RUNX1T1: variants seen among roughly 807,000 people sequenced by gnomAD.
The protein encoded by RUNX1T1 is RUNX1 partner transcriptional co-repressor 1.
In RUNX1T1, 4 loss-of-function variants were observed where a neutral mutation model predicts 62.8. The observed-to-expected ratio is 0.06, with a 90% confidence interval of 0.03 to 0.15. RUNX1T1 has a LOEUF of 0.15. Ranked by LOEUF, RUNX1T1 falls within the 10% of genes least tolerant of loss-of-function variation. The pLI is 1.00. For synonymous variants in RUNX1T1, 291 were observed against 286.0 expected (o/e 1.02, Z -0.18); for missense variants, 508 against 754.3 (o/e 0.67, Z 3.82).
chr8:91,959,412 T>TTGTG lies in RUNX1T1; in HGVS notation c.*826_*829dup, dbSNP rs56037232. On this transcript the variant is annotated 3_prime_UTR_variant, in exon 11 of 11. Transcript: ENST00000396218. Reference sequence around the variant, plus strand: ...ATTAACTGCAGGCTGAGTCTCTTACTTGTGTGTGTGTGTGTGTGTGTGTGT... The same window carrying TTGTG: ...ATTAACTGCAGGCTGAGTCTCTTACTTGTGTGTGTGTGTGTGTGTGTGTGTGTGT... The TTGTG allele has an allele frequency of 4.3e-3, 598 of 139,328 alleles. 1 individual carries two copies. Among genetic ancestry groups the TTGTG allele is most frequent in the Non-Finnish European group, 5.8e-3 (448 of 76,782 alleles). 8.6% of individuals were successfully genotyped at this position (139,328 alleles called of 1,614,324 possible). A position where few individuals can be genotyped will look rare whatever the true frequency, so the allele number is the denominator to read the frequency against.
At chr8:91,955,574 G>A (rs1244031047), downstream of RUNX1T1, 1 of 226,126 alleles carries the variant, frequency 4.4e-6, no homozygotes, top group Non-Finnish European at 8.8e-6. Context: ...GCCTGGCCTT[G>A]AAACAGGAAC....
chr8:91,959,779 C>T, exon 11 of RUNX1T1: 1 of 252,852 alleles, frequency 4.0e-6, no homozygotes, highest in East Asian at 5.5e-5. Flanking sequence ...TGCTCATGCC[C>T]TTGAGGGTTT....
At chr8:92,101,627 A>G (rs1838039751), upstream of RUNX1T1, among the ~76,000 whole-genome samples, 1 of 152,158 alleles carries the variant, frequency 6.6e-6, no homozygotes, top group Non-Finnish European at 1.5e-5. Context: ...CCAAACTGAA[A>G]GGCCTTTTGG....
intron 4 of RUNX1T1, among the ~76,000 whole-genome samples, chr8:92,007,782 C>A (rs954771626): frequency 6.6e-6 from 1 of 151,868 alleles, no homozygotes; most frequent in African/African-American, 2.4e-5. Context: ...CCAGCCTGGG[C>A]AACATGGTGA....
chr8:91,975,776 T>G, intron 9 of RUNX1T1, 129 bp downstream of exon 10: 1 of 628,670 alleles, frequency 1.6e-6, no homozygotes, highest in Non-Finnish European at 2.9e-6. Context: ...TGGTTTTTTT[T>G]GTTTTGTTTT....
intron 1 of RUNX1T1, among the ~76,000 whole-genome samples, chr8:92,060,539 A>ATG (rs1465445651): frequency 2.7e-4 from 31 of 115,392 alleles, no homozygotes; most frequent in African/African-American, 1.0e-3. Flanking sequence ...ATATATATAT[A>ATG]TATATATATA....
chr8:92,014,064 T>C (rs1246137612), intron 3 of RUNX1T1, among the ~76,000 whole-genome samples: 7 of 152,162 alleles, frequency 4.6e-5, no homozygotes, highest in Non-Finnish European at 1.0e-4. Context: ...ATTTCAATGT[T>C]ATTCATCTTA....
chr8:92,008,281 G>A (rs983525651), intron 4 of RUNX1T1, among the ~76,000 whole-genome samples: 8 of 151,748 alleles, frequency 5.3e-5, no homozygotes, highest in African/African-American at 2.4e-5. Context: ...ATGAGGAAGC[G>A]GGGGGGAAGT....
intron 6 of RUNX1T1, among the ~76,000 whole-genome samples, 164 bp from the exon 8 acceptor site, chr8:91,987,136 C>T (rs1816739121): frequency 1.3e-5 from 2 of 152,142 alleles, no homozygotes; most frequent in African/African-American, 4.8e-5. Flanking sequence ...CTAACAGATT[C>T]CTCATAGAAT....
At chr8:92,080,221 A>G (rs984617984) in intron 1 of RUNX1T1, among the ~76,000 whole-genome samples, 2 of 152,160 alleles carry the variant, frequency 1.3e-5, no homozygotes, top group African/African-American at 2.4e-5. Flanking sequence ...ATCCCACTCA[A>G]TGAAATGCCA....
At chr8:92,100,089 A>C (rs76322540), upstream of RUNX1T1, among the ~76,000 whole-genome samples, 808 of 152,332 alleles carry the variant, frequency 5.3e-3, 7 homozygotes, top group African/African-American at 0.018. Flanking sequence ...ATAGCTGCAA[A>C]AATACTGTCC....
chr8:92,068,687 CTG>C (rs1449117161), intron 2 of RUNX1T1, among the ~76,000 whole-genome samples: 1 of 152,080 alleles, frequency 6.6e-6, no homozygotes, highest in Non-Finnish European at 1.5e-5. Context: ...TGTTACAGAG[CTG>C]TGAGAGACTG....
chr8:92,020,624 C>T (rs1207810521), intron 1 of RUNX1T1, among the ~76,000 whole-genome samples: 1 of 152,100 alleles, frequency 6.6e-6, no homozygotes, highest in African/African-American at 2.4e-5. Context: ...TTACTTCTAC[C>T]TTAGCGATTC....
chr8:92,020,685 A>G (rs919919411), intron 1 of RUNX1T1, among the ~76,000 whole-genome samples: 5 of 152,228 alleles, frequency 3.3e-5, no homozygotes, highest in Non-Finnish European at 7.3e-5. Context: ...TTTCTCTCAC[A>G]TGGCAAATAT....
chr8:91,987,876 T>C (rs146793398), intron 6 of RUNX1T1, among the ~76,000 whole-genome samples: 1 of 152,274 alleles, frequency 6.6e-6, no homozygotes, highest in East Asian at 1.9e-4. Flanking sequence ...GGCATTATTT[T>C]GCATTTTAAA....
chr8:92,005,229 C>G (rs1470755915), exon 5 of RUNX1T1: 1 of 1,613,844 alleles, frequency 6.2e-7, no homozygotes, highest in Non-Finnish European at 8.5e-7. Context: ...GGGCGAGGTA[C>G]TGGGCAGGGT....
upstream of RUNX1T1, chr8:92,102,906 AAAT>A (rs1056215874): frequency 2.0e-6 from 3 of 1,515,562 alleles, no homozygotes; most frequent in African/African-American, 4.2e-5. This position sits in a 1 kb window ranked among gnomAD's most constrained non-coding sequence, Gnocchi z 4.5. Flanking sequence ...TCCGAGCTGC[AAAT>A]AAAACTTCCC....
intron 5 of RUNX1T1, among the ~76,000 whole-genome samples, chr8:91,996,532 A>G (rs188403471): frequency 2.6e-5 from 4 of 152,242 alleles, no homozygotes; most frequent in East Asian, 1.9e-4. Context: ...TGAGGATGTT[A>G]TATCTCCTTA....
chr8:92,078,897 C>T (rs549520102), intron 1 of RUNX1T1, among the ~76,000 whole-genome samples: 1 of 152,290 alleles, frequency 6.6e-6, no homozygotes, highest in East Asian at 1.9e-4. Flanking sequence ...CTTGAGAGAA[C>T]CTTCTATTTG....
Sources: gnomAD v4.1 joint callset for allele counts (sites outside exome capture counted in the v4.1 genomes callset) on GRCh38, gnomAD v4.1.1 for gene constraint, Gnocchi (gnomAD v3.1) non-coding constraint, MANE v1.5 for transcripts, NCBI Gene and HGNC (gene_info 2026-07-23, HGNC 2026-07-21) for gene names.